The following PRKN variants were observed in gnomAD, a reference collection of about 807,000 sequenced individuals.
PRKN encodes the protein E3 ubiquitin-protein ligase parkin.
Under a neutral mutation model 59.5 loss-of-function variants are expected in PRKN, and 56 were observed. The ratio of observed to expected loss-of-function variants is 0.94; its 90% CI spans 0.76 to 1.18. The LOEUF (loss-of-function observed/expected upper bound fraction) is 1.18, where lower values mean the gene tolerates loss of function less well. Among genes scored for constraint, PRKN ranks in the 50% most tolerant of loss-of-function variants. The probability of loss-of-function intolerance (pLI) is 0.00; values close to 1 mark genes in which losing one functional copy is unlikely to be tolerated. For synonymous variants in PRKN, 250 were observed against 222.1 expected, an observed-to-expected ratio of 1.13 and a Z score of -1.12; for missense variants, 657 against 596.4, an observed-to-expected ratio of 1.10 and a Z score of -1.06.
intron 7 of PRKN, among the ~76,000 whole-genome samples, chr6:161,700,693 C>T (rs1253803715): frequency 6.6e-6 from 1 of 152,160 alleles, no homozygotes; most frequent in Non-Finnish European, 1.5e-5. Flanking sequence ...TCCATTTGTA[C>T]CAAAAGCAAC....
At chr6:161,874,180 T>TATATATAATATATATA (rs1794510057) in intron 6 of PRKN, among the ~76,000 whole-genome samples, 2 of 35,118 alleles carry the variant, frequency 5.7e-5, no homozygotes, top group Non-Finnish European at 9.1e-5. Context: ...TAATATATAT[T>TATATATAATATATATA]ATATATAATA....
At chr6:162,068,734 T>A (rs1169244551) in intron 4 of PRKN, among the ~76,000 whole-genome samples, 1 of 151,342 alleles carries the variant, frequency 6.6e-6, no homozygotes, top group Non-Finnish European at 1.5e-5. Flanking sequence ...TTAGATAACA[T>A]AATTGGCACG....
intron 4 of PRKN, among the ~76,000 whole-genome samples, chr6:162,168,937 C>T (rs1783122752): frequency 1.3e-5 from 2 of 152,138 alleles, no homozygotes; most frequent in Non-Finnish European, 2.9e-5. Flanking sequence ...TATTGTTACC[C>T]ATTGTTCTGA....
intron 7 of PRKN, among the ~76,000 whole-genome samples, chr6:161,730,793 G>C (rs1012193446): frequency 6.6e-6 from 1 of 151,226 alleles, no homozygotes; most frequent in African/African-American, 2.4e-5. Context: ...GCATTCTGAA[G>C]TGTTGCATTC....
chr6:162,296,677 T>C (rs1366582432), intron 2 of PRKN, among the ~76,000 whole-genome samples: 1 of 152,122 alleles, frequency 6.6e-6, no homozygotes, highest in Non-Finnish European at 1.5e-5. Context: ...TGCAAATGTA[T>C]ACAGCTATTA....
intron 7 of PRKN, among the ~76,000 whole-genome samples, chr6:161,644,057 T>C (rs1219729594): frequency 6.6e-6 from 1 of 152,064 alleles, no homozygotes; most frequent in African/African-American, 2.4e-5. Context: ...ACTGGTAGGG[T>C]CCCGCAGGAA....
chr6:162,422,954 C>CAAAAAA (rs61557917), intron 2 of PRKN, among the ~76,000 whole-genome samples: 6 of 65,708 alleles, frequency 9.1e-5, no homozygotes, highest in Admixed American at 2.1e-4. Flanking sequence ...TCCAAGAGAC[C>CAAAAAA]AAAAAAAAAA....
At position 161,402,309 on chromosome 6, in the gene PRKN, C is replaced by A. The variant is rs1463567184; in HGVS notation, c.1084-15432G>T. Among the ~76,000 whole-genome samples the A allele has an allele frequency of 6.6e-6, 1 of 152,128 alleles. No homozygotes were observed. The highest frequency in any genetic ancestry group is 6.5e-5 in the Admixed American group (1 of 15,278). ...CCAGACTTATAAGACTCTTCCCCTG[C>A]CTAAGTTTTCTTTTTCTCTCTCAAT... On this transcript the variant is annotated intron_variant, in intron 9 of 11. Coordinates refer to ENST00000366898, the MANE Select transcript of PRKN (RefSeq NM_004562.3). The surrounding 1 kb of genome is among the most constrained non-coding windows in gnomAD (Gnocchi z 4.5).
chr6:162,456,175 G>T (rs1790863444), intron 1 of PRKN, among the ~76,000 whole-genome samples: 1 of 152,102 alleles, frequency 6.6e-6, no homozygotes. Flanking sequence ...AAACTTATTA[G>T]TTAGAACACG....
At chr6:161,976,372 T>C (rs1487627772) in intron 5 of PRKN, among the ~76,000 whole-genome samples, 1 of 152,188 alleles carries the variant, frequency 6.6e-6, no homozygotes, top group Non-Finnish European at 1.5e-5. Context: ...CCTCAGCCCA[T>C]GGAGGCATGT....
intron 2 of PRKN, among the ~76,000 whole-genome samples, chr6:162,429,496 C>T (rs1789407423): frequency 6.6e-6 from 1 of 152,076 alleles, no homozygotes; most frequent in Non-Finnish European, 1.5e-5. Context: ...CATTCATTGG[C>T]CCTGGAGATT....
At chr6:161,694,672 G>T (rs1785941128) in intron 7 of PRKN, among the ~76,000 whole-genome samples, 1 of 152,080 alleles carries the variant, frequency 6.6e-6, no homozygotes, top group Admixed American at 6.5e-5. Context: ...TCCCTTTTTG[G>T]ATTCTCAAAT....
chr6:161,874,746 A>ATGTAC (rs1794614245), intron 6 of PRKN, among the ~76,000 whole-genome samples: 1 of 119,158 alleles, frequency 8.4e-6, no homozygotes, highest in African/African-American at 3.5e-5. Flanking sequence ...TATATATAAA[A>ATGTAC]TATATAATAT....
rs188444199 is a variant in PRKN, at chr6:161,915,339, C to T, written c.734+57963G>A. Among the ~76,000 whole-genome samples, 60 of 152,190 alleles carry T rather than the reference C, an allele frequency of 3.9e-4. 1 individual carries two copies. The East Asian group carries it at 0.01, about 25-fold the overall frequency. ...AAGTTTATCGATTAATTTTCATGAACCTGAAAGGTGTTTGTGAAAGAACAC... is the reference window on the plus strand; with the variant it reads ...AAGTTTATCGATTAATTTTCATGAATCTGAAAGGTGTTTGTGAAAGAACAC... On this transcript the variant is annotated intron_variant, in intron 6 of 11. Transcript: ENST00000366898.
chr6:162,321,000 G>A (rs1562668426), intron 2 of PRKN, among the ~76,000 whole-genome samples: 1 of 151,680 alleles, frequency 6.6e-6, no homozygotes, highest in Non-Finnish European at 1.5e-5. Flanking sequence ...AGCAAAGCAA[G>A]AAGAAAAAAG....
At chr6:162,343,182 C>T (rs1784261922) in intron 2 of PRKN, among the ~76,000 whole-genome samples, 2 of 152,118 alleles carry the variant, frequency 1.3e-5, no homozygotes, top group African/African-American at 4.8e-5. Context: ...TTATTCCTGA[C>T]ATCAACTTGA....
At chr6:162,693,487 T>C (rs1048054238) in intron 1 of PRKN, among the ~76,000 whole-genome samples, 1 of 152,180 alleles carries the variant, frequency 6.6e-6, no homozygotes, top group African/African-American at 2.4e-5. Flanking sequence ...TTAAGAGTTG[T>C]CCCTAACAGA....
At chr6:162,619,823 T>C (rs1004564964) in intron 1 of PRKN, among the ~76,000 whole-genome samples, 1 of 152,182 alleles carries the variant, frequency 6.6e-6, no homozygotes, top group Non-Finnish European at 1.5e-5. Flanking sequence ...CACTAAGCAA[T>C]GTATGATGGA....
At position 161,569,381 on chromosome 6, in the gene PRKN, G is replaced by A. The variant is rs766948045; in HGVS notation, c.907C>T (p.His303Tyr). The A allele has an allele frequency of 7.4e-6, 12 of 1,613,830 alleles. No individual in the cohort carries two copies. Among genetic ancestry groups the A allele is most frequent in the Middle Eastern group, 3.3e-4 (2 of 6,084 alleles). The change falls in exon 8 of 12, where the codon CAC becomes TAC. Residue 303 changes from histidine (H) to tyrosine (Y), a missense_variant. By Grantham distance (83) the His-to-Tyr change is moderately conservative. Transcript: ENST00000366898. ...TGCTCTTCTCCCAGAATCCTGAAGT[G>A]ATGGAGCTCTTTAATCAAGGAGTTG... ...CPNSLIKELH[H>Y]FRILGEEQYN...
Sources: gnomAD v4.1 joint callset for allele counts (sites outside exome capture counted in the v4.1 genomes callset) on GRCh38, gnomAD v4.1.1 for gene constraint, Gnocchi (gnomAD v3.1) non-coding constraint, MANE v1.5 for transcripts, NCBI Gene and HGNC (gene_info 2026-07-23, HGNC 2026-07-21) for gene names.